Variants in TTC6 observed in about 807,000 individuals in gnomAD.
TTC6 encodes the protein tetratricopeptide repeat protein 6.
TTC6 carries 172 observed loss-of-function variants against 210.4 expected under a neutral mutation model. The ratio of observed to expected loss-of-function variants is 0.82; its 90% CI spans 0.72 to 0.93. The LOEUF is 0.93. Among genes scored for constraint, TTC6 ranks in the 40% least tolerant of loss-of-function variants. The pLI, the probability that TTC6 is intolerant of heterozygous loss-of-function variation, is 0.00. For missense variants in TTC6, 2,414 were observed against 2,318.1 expected (o/e 1.04, Z -0.85); for synonymous variants, 804 against 819.6 (o/e 0.98, Z 0.32).
intron 1 of TTC6, among the ~76,000 whole-genome samples, chr14:37,663,265 T>C (rs1409268121): frequency 6.6e-6 from 1 of 152,188 alleles, no homozygotes; most frequent in African/African-American, 2.4e-5. Context: ...ATCCTGAAAC[T>C]TTGCTGAAGT....
chr14:37,758,838 C>T (rs894094623), intron 14 of TTC6, among the ~76,000 whole-genome samples: 7 of 152,120 alleles, frequency 4.6e-5, no homozygotes, highest in Admixed American at 2.0e-4. Flanking sequence ...TTTTCCTTTC[C>T]ATGTTTAGTG....
At chr14:37,806,449 A>G (rs1319502468) in exon 22 of TTC6, 1 of 1,535,666 alleles carries the variant, frequency 6.5e-7, no homozygotes, top group African/African-American at 1.4e-5. Context: ...GTGAAACTCC[A>G]CAAGGATAGC....
chr14:37,764,648 C>T (rs554644297), intron 14 of TTC6, among the ~76,000 whole-genome samples: 3 of 152,110 alleles, frequency 2.0e-5, no homozygotes, highest in South Asian at 2.1e-4. Flanking sequence ...CACTTTCAAC[C>T]GATTTGTATC....
At chr14:37,825,072 G>A (rs1293811081) in intron 27 of TTC6, among the ~76,000 whole-genome samples, 2 of 152,168 alleles carry the variant, frequency 1.3e-5, no homozygotes, top group Non-Finnish European at 2.9e-5. Flanking sequence ...GACTGCAAAA[G>A]GAGAGTTAGG....
intron 11 of TTC6, 55 bp from the exon 14 acceptor site, chr14:37,749,659 G>T: frequency 1.7e-6 from 2 of 1,204,138 alleles, no homozygotes; most frequent in South Asian, 2.9e-5. Context: ...TTATTTGATA[G>T]GATATCCTCC....
intron 2 of TTC6, among the ~76,000 whole-genome samples, chr14:37,616,614 G>A (rs894984099): frequency 5.3e-5 from 8 of 152,048 alleles, no homozygotes; most frequent in South Asian, 2.1e-4. Flanking sequence ...GGAGAGTGGC[G>A]TGAACCCGGG....
chr14:37,636,858 T>C (rs2095681794), intron 1 of TTC6, among the ~76,000 whole-genome samples: 1 of 152,208 alleles, frequency 6.6e-6, no homozygotes, highest in Non-Finnish European at 1.5e-5. Flanking sequence ...TGAAATAATT[T>C]TGAAAAAGAA....
chr14:37,691,270 C>T lies in TTC6; in HGVS notation c.1258-5447C>T, dbSNP rs142186238. Among the ~76,000 whole-genome samples the T allele has an allele frequency of 1.1e-3, 167 of 152,158 alleles. 1 individual carries two copies. In the East Asian group the frequency reaches 0.026, roughly 23 times the overall value. ...GTTTGAAACCGGCAGTTGGAGGTTG[C>T]GGTGAGCCGAGATTGTGCCACTGCA... On this transcript the variant is annotated intron_variant, in intron 3 of 30. Coordinates refer to ENST00000553443, the Ensembl canonical transcript of TTC6.
chr14:37,636,004 A>G (rs1258616227), intron 1 of TTC6, among the ~76,000 whole-genome samples: 1 of 151,400 alleles, frequency 6.6e-6, no homozygotes, highest in Non-Finnish European at 1.5e-5. Flanking sequence ...AAAAAAAGAA[A>G]AAAAAAAGAA....
At chr14:37,657,991 G>A (rs749424387) in intron 1 of TTC6, among the ~76,000 whole-genome samples, 6 of 152,080 alleles carry the variant, frequency 3.9e-5, no homozygotes, top group Non-Finnish European at 8.8e-5. Context: ...TTTACATCAA[G>A]GATGGCCAGA....
chr14:37,699,435 C>G (rs529558151), intron 4 of TTC6, among the ~76,000 whole-genome samples: 1 of 152,328 alleles, frequency 6.6e-6, no homozygotes, highest in South Asian at 2.1e-4. Context: ...CAGTCTGACT[C>G]CAGAGTCTGT....
intron 10 of TTC6, among the ~76,000 whole-genome samples, chr14:37,748,320 G>A (rs369995005): frequency 1.7e-4 from 26 of 152,208 alleles, no homozygotes; most frequent in African/African-American, 5.8e-4. Flanking sequence ...TTCTTATTCC[G>A]ATAGACTGAG....
At chr14:37,649,527 T>G (rs994546853) in intron 1 of TTC6, among the ~76,000 whole-genome samples, 1 of 152,332 alleles carries the variant, frequency 6.6e-6, no homozygotes, top group Non-Finnish European at 1.5e-5. Flanking sequence ...TCATTTTGTT[T>G]TCTCCCGAAT....
At chr14:37,770,574 T>C (rs1356528827) in intron 14 of TTC6, among the ~76,000 whole-genome samples, 1 of 151,936 alleles carries the variant, frequency 6.6e-6, no homozygotes, top group Non-Finnish European at 1.5e-5. Context: ...TCTTTGTCTC[T>C]TTTGATCTTT....
chr14:37,601,177 C>T (rs1343521590), intron 1 of TTC6, among the ~76,000 whole-genome samples: 3 of 152,208 alleles, frequency 2.0e-5, no homozygotes, highest in African/African-American at 7.2e-5. Flanking sequence ...CTGTTAAAAA[C>T]TTTGCAGCCT....
At chr14:37,756,670 A>G (rs2095968705) in intron 14 of TTC6, among the ~76,000 whole-genome samples, 5 of 152,144 alleles carry the variant, frequency 3.3e-5, no homozygotes, top group Admixed American at 3.3e-4. Flanking sequence ...CGTATGTTGA[A>G]CCAGCCTTGC....
At chr14:37,641,084 C>G (rs185045174) in intron 1 of TTC6, among the ~76,000 whole-genome samples, 1 of 152,308 alleles carries the variant, frequency 6.6e-6, no homozygotes, top group East Asian at 1.9e-4. Context: ...CAATTTAAAA[C>G]AGTTGCTTAA....
At chr14:37,612,967 T>C (rs2095637022) in intron 2 of TTC6, among the ~76,000 whole-genome samples, 1 of 152,184 alleles carries the variant, frequency 6.6e-6, no homozygotes, top group South Asian at 2.1e-4. Context: ...TCTTTATTAC[T>C]TTTATTTCTT....
intron 6 of TTC6, among the ~76,000 whole-genome samples, chr14:37,715,779 AT>A (rs1326963635): frequency 1.3e-5 from 2 of 152,194 alleles, no homozygotes; most frequent in Non-Finnish European, 2.9e-5. Flanking sequence ...GAATCAAGAC[AT>A]TCTCAGATAG....
Sources: allele counts gnomAD v4.1 joint callset (sites outside exome capture counted in the v4.1 genomes callset), GRCh38; gene constraint gnomAD v4.1.1; transcripts MANE v1.5; gene names NCBI Gene and HGNC (gene_info 2026-07-23, HGNC 2026-07-21).